Variants in SLC22A24 observed in about 807,000 individuals in gnomAD.
The protein encoded by SLC22A24 is solute carrier family 22 member 24, also known as steroid transmembrane transporter SLC22A24.
A neutral mutation model predicts 49.8 loss-of-function variants in SLC22A24; 53 were observed. The observed-to-expected ratio is 1.06, with a 90% confidence interval of 0.85 to 1.34. The LOEUF (loss-of-function observed/expected upper bound fraction) is 1.34, where lower values mean the gene tolerates loss of function less well. Ranked by LOEUF, SLC22A24 falls within the 40% of genes most tolerant of loss-of-function variation. The pLI is 0.00. For synonymous variants in SLC22A24, 302 were observed against 256.4 expected, an observed-to-expected ratio of 1.18 and a Z score of -1.70; for missense variants, 786 against 675.9, an observed-to-expected ratio of 1.16 and a Z score of -1.81.
chr11:63,112,224 A>G (rs1590739454), intron 4 of SLC22A24, among the ~76,000 whole-genome samples: 1 of 152,074 alleles, frequency 6.6e-6, no homozygotes, highest in African/African-American at 2.4e-5. Flanking sequence ...ATAGTTTGTT[A>G]TAATTTCTGT....
chr11:63,139,913 G>GT (rs55703293), intron 1 of SLC22A24, among the ~76,000 whole-genome samples: 2,411 of 150,746 alleles, frequency 0.016, 27 homozygotes, highest in Middle Eastern at 0.062. Flanking sequence ...GTATTTATAT[G>GT]TTTTTTTTTG....
intron 4 of SLC22A24, among the ~76,000 whole-genome samples, chr11:63,106,004 A>C (rs1249663264): frequency 2.0e-5 from 3 of 152,010 alleles, no homozygotes; most frequent in East Asian, 1.9e-4. Context: ...ATATGTATAC[A>C]TGTGCCATGC....
intron 6 of SLC22A24, among the ~76,000 whole-genome samples, chr11:63,088,420 C>A (rs1330546315): frequency 1.7e-5 from 2 of 119,860 alleles, no homozygotes; most frequent in Non-Finnish European, 3.9e-5. Flanking sequence ...AAAAACCCCA[C>A]CTAAAGGTCA....
chr11:63,092,373 ACTTT>A (rs1325998960), intron 6 of SLC22A24, among the ~76,000 whole-genome samples: 7 of 128,508 alleles, frequency 5.4e-5, no homozygotes, highest in Non-Finnish European at 1.2e-4. Flanking sequence ...GCTACTAGTG[ACTTT>A]CTTTGTAGAA....
chr11:63,143,602 A>G lies in SLC22A24; in HGVS notation c.178T>C (p.Ser60Pro). Residue 60 changes from serine (S) to proline (P), a missense_variant, in exon 1 of 10, where the codon TCT (serine) becomes CCT (proline). Transcript: ENST00000612278. ...WVPLLDNDTV[S>P]DNDTGTLSKD... ...CTGAGGGTCCCGGTATCATTGTCAG[A>G]CACAGTGTCATTGTCCAGGAGGGGG... The G allele has an allele frequency of 1.3e-6, 2 of 1,578,212 alleles. No homozygotes were observed. The highest frequency in any genetic ancestry group is 3.4e-4 in the Middle Eastern group (2 of 5,884).
chr11:63,087,464 G>A lies in SLC22A24; in HGVS notation c.1071-4007C>T, dbSNP rs186137346. ...TCCCTCGTGTGCCTATACCACCAGG[G>A]CCCTGGGCTTCAAGCACAAAACTAG... On this transcript the variant is annotated intron_variant, in intron 6 of 9. Coordinates refer to ENST00000612278, the MANE Select transcript of SLC22A24 (RefSeq NM_001136506.2). Among the ~76,000 whole-genome samples the A allele has an allele frequency of 3.9e-3, 593 of 152,266 alleles. 5 individuals carry two copies. Among genetic ancestry groups the A allele is most frequent in the African/African-American group, 0.014 (571 of 41,550 alleles).
At chr11:63,132,216 G>A (rs1474295580) in intron 2 of SLC22A24, among the ~76,000 whole-genome samples, 1 of 152,102 alleles carries the variant, frequency 6.6e-6, no homozygotes, top group East Asian at 1.9e-4. Flanking sequence ...TCCTTGAAAT[G>A]GGTTAGAACA....
intron 6 of SLC22A24, among the ~76,000 whole-genome samples, chr11:63,095,435 A>G (rs557493608): frequency 1.3e-5 from 2 of 152,308 alleles, no homozygotes; most frequent in South Asian, 4.1e-4. Context: ...AAATGAATAA[A>G]TTTCACATAT....
chr11:63,127,220 C>T (rs891419771), intron 2 of SLC22A24, among the ~76,000 whole-genome samples: 6 of 152,084 alleles, frequency 3.9e-5, no homozygotes, highest in East Asian at 3.9e-4. Context: ...TAAGTGAGAA[C>T]ATGTGGTGTT....
chr11:63,137,024 C>T (rs935925289), intron 1 of SLC22A24, among the ~76,000 whole-genome samples: 2 of 152,152 alleles, frequency 1.3e-5, no homozygotes, highest in Non-Finnish European at 2.9e-5. Flanking sequence ...CCTTCCTTCT[C>T]TCGATGGATT....
chr11:63,126,600 C>T (rs1056048024), intron 2 of SLC22A24, among the ~76,000 whole-genome samples: 2 of 152,144 alleles, frequency 1.3e-5, no homozygotes, highest in Admixed American at 6.5e-5. Context: ...CGTGTTGCCT[C>T]CAGCTTTATT....
At chr11:63,109,604 T>C (rs949979510) in intron 4 of SLC22A24, among the ~76,000 whole-genome samples, 2 of 150,676 alleles carry the variant, frequency 1.3e-5, no homozygotes, top group Admixed American at 1.3e-4. Flanking sequence ...CCAGTGATGG[T>C]GAGCATTTTT....
intron 4 of SLC22A24, chr11:63,116,243 A>G (rs1181435953): frequency 1.8e-5 from 6 of 332,540 alleles, no homozygotes; most frequent in Non-Finnish European, 2.8e-5. Flanking sequence ...CCACACCCTT[A>G]AGAGATTCAT....
At chr11:63,140,109 G>T (rs2087405310) in intron 1 of SLC22A24, among the ~76,000 whole-genome samples, 2 of 148,002 alleles carry the variant, frequency 1.4e-5, no homozygotes, top group Non-Finnish European at 3.0e-5. Context: ...TTGAGACGGG[G>T]TCTTGCTCTG....
At chr11:63,112,652 C>G (rs879463287) in intron 4 of SLC22A24, among the ~76,000 whole-genome samples, 8 of 151,960 alleles carry the variant, frequency 5.3e-5, no homozygotes, top group Admixed American at 2.0e-4. Flanking sequence ...TTGCCTTCTG[C>G]TAGATTTTGA....
rs551931475 is a variant in SLC22A24, at chr11:63,130,196, A to G, written c.506+4469T>C. 5.9e-5 allele frequency among the ~76,000 whole-genome samples: 9 copies of G among 152,270 alleles called. No homozygotes were observed. In the South Asian group the frequency reaches 6.2e-4, roughly 11 times the overall value. ...AGTTTTTAGCATGAAGTGCTGTTGA[A>G]TTTTGTTGAAGGTCTTTTCTGCATC... On this transcript the variant is annotated intron_variant, in intron 2 of 9. Coordinates refer to ENST00000612278, the MANE Select transcript of SLC22A24 (RefSeq NM_001136506.2).
chr11:63,099,035 C>G (rs1350731244), intron 5 of SLC22A24, among the ~76,000 whole-genome samples: 1 of 152,046 alleles, frequency 6.6e-6, no homozygotes, highest in African/African-American at 2.4e-5. Flanking sequence ...AATTCCTAGT[C>G]ACATGCAACT....
At chr11:63,125,748 G>T (rs963585634) in intron 2 of SLC22A24, among the ~76,000 whole-genome samples, 1 of 151,848 alleles carries the variant, frequency 6.6e-6, no homozygotes, top group Non-Finnish European at 1.5e-5. Context: ...TTCCACAATG[G>T]CTGAACTAAT....
chr11:63,088,808 A>G (rs776634941), intron 6 of SLC22A24, among the ~76,000 whole-genome samples: 4 of 152,098 alleles, frequency 2.6e-5, no homozygotes, highest in Non-Finnish European at 5.9e-5. Context: ...AAATTGATCA[A>G]GCAGAATAAA....
Sources: allele counts gnomAD v4.1 joint callset (sites outside exome capture counted in the v4.1 genomes callset), GRCh38; gene constraint gnomAD v4.1.1; transcripts MANE v1.5; gene names NCBI Gene and HGNC (gene_info 2026-07-23, HGNC 2026-07-21).